PCDHA13: variants seen among roughly 807,000 people sequenced by gnomAD.
PCDHA13 encodes protocadherin alpha-13.
Under a neutral mutation model 64.8 loss-of-function variants are expected in PCDHA13, and 54 were observed. The observed-to-expected ratio is 0.83, with a 90% CI of 0.67 to 1.04. The LOEUF is 1.04. Ranked by LOEUF, PCDHA13 falls within the 50% of genes least tolerant of loss-of-function variation. The pLI, the probability that PCDHA13 is intolerant of heterozygous loss-of-function variation, is 0.00. For missense variants in PCDHA13, 1,248 were observed against 1,254.3 expected (o/e 0.99, Z 0.08); for synonymous variants, 587 against 564.4 (o/e 1.04, Z -0.57).
chr5:140,967,757 T>C, intron 1 of PCDHA13: 1 of 1,614,216 alleles, frequency 6.2e-7, no homozygotes, highest in Non-Finnish European at 8.5e-7. Flanking sequence ...AGCCTCCTCC[T>C]ACCAGATCTA....
At chr5:140,921,277 A>G (rs1554200163) in intron 1 of PCDHA13, among the ~76,000 whole-genome samples, 1 of 152,210 alleles carries the variant, frequency 6.6e-6, no homozygotes, top group Non-Finnish European at 1.5e-5. Flanking sequence ...ACTTACTTGA[A>G]AAAAACCTCA....
chr5:141,006,931 G>A (rs1268492539), intron 3 of PCDHA13, among the ~76,000 whole-genome samples: 1 of 152,158 alleles, frequency 6.6e-6, no homozygotes, highest in African/African-American at 2.4e-5. Flanking sequence ...ATTTCCAACT[G>A]GGGATACCAG....
intron 1 of PCDHA13, chr5:140,968,689 A>T: frequency 2.5e-6 from 4 of 1,614,124 alleles, no homozygotes; most frequent in Non-Finnish European, 3.4e-6. Context: ...ACACAGGAGA[A>T]ATTAGGACTA....
intron 1 of PCDHA13, among the ~76,000 whole-genome samples, chr5:140,921,179 G>A (rs1346400425): frequency 1.3e-5 from 2 of 151,662 alleles, no homozygotes; most frequent in Non-Finnish European, 2.9e-5. Context: ...ATAAAGCACA[G>A]TTTTTTCACA....
intron 3 of PCDHA13, among the ~76,000 whole-genome samples, chr5:140,988,245 G>C (rs17286877): frequency 0.027 from 4,184 of 152,286 alleles, 88 homozygotes; most frequent in Non-Finnish European, 0.043. Flanking sequence ...GAGTGGGGCA[G>C]CTCCCGCCTG....
intron 1 of PCDHA13, among the ~76,000 whole-genome samples, chr5:140,887,550 TACTG>T (rs2061493394): frequency 1.3e-5 from 2 of 152,206 alleles, no homozygotes; most frequent in Non-Finnish European, 2.9e-5. Flanking sequence ...CCCTCATGGT[TACTG>T]TTAAAACTTT....
chr5:140,932,351 A>G (rs1401387848), intron 1 of PCDHA13, among the ~76,000 whole-genome samples: 1 of 151,920 alleles, frequency 6.6e-6, no homozygotes, highest in African/African-American at 2.4e-5. Context: ...TTACCATACA[A>G]CTGGCCTTAT....
At chr5:140,912,465 C>T (rs2153521985) in intron 1 of PCDHA13, among the ~76,000 whole-genome samples, 1 of 151,968 alleles carries the variant, frequency 6.6e-6, no homozygotes, top group South Asian at 2.1e-4. Context: ...TATCCTGGAA[C>T]TTTACTGAAT....
intron 1 of PCDHA13, among the ~76,000 whole-genome samples, chr5:140,959,265 T>C (rs1341807372): frequency 1.3e-5 from 2 of 152,076 alleles, no homozygotes; most frequent in African/African-American, 2.4e-5. Context: ...TAGTCCCAGC[T>C]ACCCAGGAGC....
intron 1 of PCDHA13, chr5:140,930,195 G>A (rs1427541259): frequency 6.6e-6 from 1 of 152,140 alleles, no homozygotes; most frequent in East Asian, 1.9e-4. Context: ...TAATTTTTAT[G>A]TCAGAAATAT....
intron 1 of PCDHA13, among the ~76,000 whole-genome samples, chr5:140,939,130 A>T (rs1183803741): frequency 6.6e-6 from 1 of 152,204 alleles, no homozygotes; most frequent in Admixed American, 6.5e-5. Context: ...TGGAAGCTGG[A>T]AAGTTGATGA....
chr5:140,929,207 G>T (rs782298445), intron 1 of PCDHA13: 2 of 1,614,106 alleles, frequency 1.2e-6, no homozygotes, highest in Non-Finnish European at 1.7e-6. Flanking sequence ...TTGCTGTTGC[G>T]TGGGGAGTAC....
intron 3 of PCDHA13, among the ~76,000 whole-genome samples, chr5:140,999,505 A>T (rs1221080631): frequency 1.3e-5 from 2 of 152,134 alleles, no homozygotes; most frequent in African/African-American, 4.8e-5. Context: ...AAGAACCTAC[A>T]TTTTAAGCAT....
intron 1 of PCDHA13, chr5:140,969,509 C>A: frequency 7.1e-7 from 1 of 1,416,136 alleles, no homozygotes; most frequent in Non-Finnish European, 9.4e-7. Context: ...AAAAATAGCA[C>A]TAAAGAATTG....
intron 1 of PCDHA13, among the ~76,000 whole-genome samples, chr5:140,937,039 C>CT (rs34994034): frequency 0.49 from 69,094 of 140,108 alleles, 17,193 homozygotes; most frequent in East Asian, 0.59. Flanking sequence ...TTCCATTTAT[C>CT]TTTTTTTTTT....
chr5:140,896,536 CT>C (rs34213614), intron 1 of PCDHA13, among the ~76,000 whole-genome samples: 112 of 145,476 alleles, frequency 7.7e-4, no homozygotes, highest in Admixed American at 9.6e-4. Flanking sequence ...AGCTATTTTT[CT>C]TTTTTTTTTT....
chr5:140,917,439 G>T (rs1437451173), intron 1 of PCDHA13, among the ~76,000 whole-genome samples: 1 of 151,364 alleles, frequency 6.6e-6, no homozygotes, highest in Non-Finnish European at 1.5e-5. Flanking sequence ...TTTTGTTTTT[G>T]CTGCAAGAGC....
At chr5:140,919,545 T>C (rs572558911) in intron 1 of PCDHA13, among the ~76,000 whole-genome samples, 15 of 152,314 alleles carry the variant, frequency 9.8e-5, no homozygotes, top group African/African-American at 3.6e-4. Flanking sequence ...ACTTTTCATT[T>C]ACTGATTTAT....
At chr5:140,894,973 C>G (rs1297295605) in intron 1 of PCDHA13, among the ~76,000 whole-genome samples, 1 of 152,076 alleles carries the variant, frequency 6.6e-6, no homozygotes, top group Non-Finnish European at 1.5e-5. Context: ...TTTTTAATGT[C>G]TTACTTTGTG....
Sources: allele counts gnomAD v4.1 joint callset (sites outside exome capture counted in the v4.1 genomes callset), GRCh38; gene constraint gnomAD v4.1.1; transcripts MANE v1.5; gene names NCBI Gene and HGNC (gene_info 2026-07-23, HGNC 2026-07-21).